Variants in CDH4 observed in about 807,000 individuals in gnomAD.
CDH4 encodes cadherin 4, also known as cadherin-4.
CDH4 carries 33 observed loss-of-function variants against 86.0 expected under a neutral mutation model. That is an observed-to-expected ratio of 0.38 (90% confidence interval 0.29 to 0.51). CDH4 has a LOEUF of 0.51. CDH4 is among the 20% of genes least tolerant of loss of function. The pLI is 0.86. For missense variants in CDH4, 1,114 were observed against 1,307.4 expected, an observed-to-expected ratio of 0.85 and a Z score of 2.28; for synonymous variants, 555 against 549.4, an observed-to-expected ratio of 1.01 and a Z score of -0.14.
intron 2 of CDH4, among the ~76,000 whole-genome samples, chr20:61,685,748 C>T (rs2087566651): frequency 6.6e-6 from 1 of 152,254 alleles, no homozygotes; most frequent in Admixed American, 6.5e-5. Flanking sequence ...CCTGGGAGAG[C>T]TCCTGGACTC....
intron 2 of CDH4, among the ~76,000 whole-genome samples, chr20:61,610,776 T>A (rs1430213824): frequency 2.6e-5 from 4 of 152,214 alleles, no homozygotes; most frequent in Non-Finnish European, 4.4e-5. Flanking sequence ...TCAGGTTTGC[T>A]TGTGCCTGTC....
chr20:61,781,100 G>C (rs1978518013), intron 4 of CDH4, among the ~76,000 whole-genome samples: 1 of 152,128 alleles, frequency 6.6e-6, no homozygotes, highest in African/African-American at 2.4e-5. Flanking sequence ...AGATTCCAGG[G>C]GAAACACATT....
intron 7 of CDH4, among the ~76,000 whole-genome samples, chr20:61,874,251 C>T (rs1197415195): frequency 6.6e-6 from 1 of 152,150 alleles, no homozygotes; most frequent in Non-Finnish European, 1.5e-5. Context: ...CCTGAACACA[C>T]ACGCCTGCCT....
chr20:61,274,217 C>T (rs1471202303), intron 2 of CDH4, among the ~76,000 whole-genome samples: 38 of 67,704 alleles, frequency 5.6e-4, no homozygotes, highest in Middle Eastern at 0.018. Context: ...TTTGGGGGAG[C>T]ACCATGCACA....
intron 3 of CDH4, among the ~76,000 whole-genome samples, chr20:61,753,276 G>A (rs572994645): frequency 2.6e-5 from 4 of 152,266 alleles, no homozygotes; most frequent in Admixed American, 1.3e-4. Context: ...CTCTTATGTC[G>A]AGGTTTCTTC....
intron 2 of CDH4, among the ~76,000 whole-genome samples, chr20:61,627,616 C>A (rs889144478): frequency 6.6e-6 from 1 of 152,138 alleles, no homozygotes; most frequent in Non-Finnish European, 1.5e-5. Context: ...GGGAAGCGGA[C>A]GGGCAGAGAG....
chr20:61,891,371 CCTG>C (rs1011428114), intron 7 of CDH4, among the ~76,000 whole-genome samples: 10 of 152,174 alleles, frequency 6.6e-5, no homozygotes, highest in African/African-American at 2.4e-4. Flanking sequence ...CCCTCCCTGT[CCTG>C]CTGAGCCTCA....
chr20:61,735,838 C>T (rs1316581375), intron 2 of CDH4, among the ~76,000 whole-genome samples: 2 of 152,098 alleles, frequency 1.3e-5, no homozygotes, highest in African/African-American at 2.4e-5. Context: ...GTGCATGCAG[C>T]GGGGGCCACA....
At position 61,487,975 on chromosome 20, in the gene CDH4, G is replaced by A. The variant is rs183932689; in HGVS notation, c.169+233038G>A. 8.9e-4 allele frequency among the ~76,000 whole-genome samples: 135 copies of A among 152,326 alleles called. 1 individual carries two copies. Among genetic ancestry groups the A allele is most frequent in the African/African-American group, 3.0e-3 (125 of 41,570 alleles). The stretch of plus-strand genomic sequence containing the variant: ...TAAGTCTTCAAGCCACGGTTGTCAT[G>A]ATATCTGTTTGTCACCCCCAGAGGC... On this transcript the variant is annotated intron_variant, in intron 2 of 15. Transcript: ENST00000614565.
At chr20:61,744,535 GAAGGAGGGAGAGAGAT>G (rs2088389701) in intron 3 of CDH4, among the ~76,000 whole-genome samples, 10 of 110,872 alleles carry the variant, frequency 9.0e-5, no homozygotes, top group Middle Eastern at 4.4e-3. Context: ...GGGAGAGAGA[GAAGGAGGGAGAGAGAT>G]GGAGAGAGGT....
At chr20:61,358,124 A>T (rs1419473985) in intron 2 of CDH4, among the ~76,000 whole-genome samples, 1 of 152,130 alleles carries the variant, frequency 6.6e-6, no homozygotes, top group Non-Finnish European at 1.5e-5. Context: ...TTCTGCCTGG[A>T]TATGGGTACT....
intron 2 of CDH4, among the ~76,000 whole-genome samples, chr20:61,450,930 C>T (rs955256301): frequency 6.6e-6 from 1 of 151,870 alleles, no homozygotes; most frequent in African/African-American, 2.4e-5. Context: ...GGACCCAGGT[C>T]CTGAGGAGTC....
chr20:61,830,495 T>C (rs900318900), intron 4 of CDH4, among the ~76,000 whole-genome samples: 2 of 151,974 alleles, frequency 1.3e-5, no homozygotes, highest in African/African-American at 4.8e-5. Flanking sequence ...CCCCAGGACC[T>C]GGCCAGCCCA....
intron 2 of CDH4, among the ~76,000 whole-genome samples, chr20:61,661,330 T>G (rs1447557865): frequency 6.6e-6 from 1 of 152,210 alleles, no homozygotes; most frequent in Non-Finnish European, 1.5e-5. Flanking sequence ...ATAAGTCTTG[T>G]GTTTTCAGCT....
intron 2 of CDH4, among the ~76,000 whole-genome samples, chr20:61,358,693 G>C (rs970131184): frequency 2.6e-5 from 4 of 152,138 alleles, no homozygotes; most frequent in African/African-American, 4.8e-5. Flanking sequence ...TTTGTCTTGC[G>C]AACACATTTG....
chr20:61,464,875 G>GC (rs1362158002), intron 2 of CDH4, among the ~76,000 whole-genome samples: 1 of 152,196 alleles, frequency 6.6e-6, no homozygotes, highest in African/African-American at 2.4e-5. Flanking sequence ...GAACAAAGAA[G>GC]CCGGCTTCAA....
At chr20:61,787,186 C>T (rs1049223428) in intron 4 of CDH4, among the ~76,000 whole-genome samples, 1 of 152,044 alleles carries the variant, frequency 6.6e-6, no homozygotes, top group Non-Finnish European at 1.5e-5. Flanking sequence ...ATTCACTAAG[C>T]CTTTCCATGT....
chr20:61,859,652 G>T (rs959498059), intron 6 of CDH4, among the ~76,000 whole-genome samples: 2 of 152,228 alleles, frequency 1.3e-5, no homozygotes, highest in Non-Finnish European at 2.9e-5. Flanking sequence ...ACATTGAAAG[G>T]CTGTCCTCCC....
chr20:61,908,083 A>C (rs1311733214), intron 8 of CDH4, among the ~76,000 whole-genome samples: 1 of 152,214 alleles, frequency 6.6e-6, no homozygotes, highest in Non-Finnish European at 1.5e-5. Context: ...TTAGAGCCCC[A>C]GGTCGAGGAG....
Sources: allele counts gnomAD v4.1 joint callset (sites outside exome capture counted in the v4.1 genomes callset), GRCh38; gene constraint gnomAD v4.1.1; transcripts MANE v1.5; gene names NCBI Gene and HGNC (gene_info 2026-07-23, HGNC 2026-07-21).